ATXN2: variants seen among roughly 807,000 people sequenced by gnomAD.
ATXN2 encodes the protein ataxin-2.
A neutral mutation model predicts 138.6 loss-of-function variants in ATXN2; 37 were observed. That is an observed-to-expected ratio of 0.27 (90% CI 0.21 to 0.35). The LOEUF is 0.35. Ranked by LOEUF, ATXN2 falls within the 10% of genes least tolerant of loss-of-function variation. ATXN2 has a pLI of 1.00. For synonymous variants in ATXN2, 549 were observed against 543.7 expected (o/e 1.01, Z -0.13); for missense variants, 1,216 against 1,480.3 (o/e 0.82, Z 2.93).
chr12:111,598,769 G>A lies in ATXN2; in HGVS notation c.251+15C>T, dbSNP rs547889535. 2 of 1,289,718 alleles carry A rather than the reference G, an allele frequency of 1.6e-6. No homozygotes were observed. Among genetic ancestry groups the A allele is most frequent in the South Asian group, 2.1e-5 (1 of 47,914 alleles). The allele number at this position is 1,289,718 out of a possible 1,614,324, so 79.9% of individuals were successfully genotyped here. ...CCGGGCCCGGAGCGGAGGGGGCTGG[G>A]GTGCCGACACCCACCTGCCCAGGCC... On this transcript the variant is annotated intron_variant, in intron 1 of 24. Transcript: ENST00000673436. The surrounding 1 kb of genome is among the most constrained non-coding windows in gnomAD (Gnocchi z 4.5).
intron 10 of ATXN2, among the ~76,000 whole-genome samples, chr12:111,515,337 A>G (rs1215612142): frequency 6.6e-6 from 1 of 152,256 alleles, no homozygotes; most frequent in Non-Finnish European, 1.5e-5. Flanking sequence ...TATCAAAAGG[A>G]CATTATGATT....
chr12:111,481,661 A>T (rs74882580), intron 18 of ATXN2, among the ~76,000 whole-genome samples: 15,538 of 151,876 alleles, frequency 0.1, 2,649 homozygotes, highest in African/African-American at 0.35. Flanking sequence ...ATGAAAAAAA[A>T]TTTTATTTTT....
chr12:111,598,284 G>C lies in ATXN2; in HGVS notation c.251+500C>G, dbSNP rs1351523868. 5 of 1,004,708 alleles carry C rather than the reference G, an allele frequency of 5.0e-6. No individual in the cohort carries two copies. The highest frequency in any genetic ancestry group is 1.0e-4 in the East Asian group (1 of 9,822). 62.2% of individuals were successfully genotyped at this position (1,004,708 alleles called of 1,614,324 possible). A position where few individuals can be genotyped will look rare whatever the true frequency, so the allele number is the denominator to read the frequency against. On this transcript the variant is annotated intron_variant, in intron 1 of 24. Transcript: ENST00000673436. This position sits in a 1 kb window ranked among gnomAD's most constrained non-coding sequence, Gnocchi z 4.5. ...GAGCCCGGTGCCTACCCCTTTAACC[G>C]GCACGGGGGACGCGGCCCTAACTTC...
intron 8 of ATXN2, among the ~76,000 whole-genome samples, chr12:111,519,282 C>T (rs1323536206): frequency 1.3e-5 from 2 of 152,144 alleles, no homozygotes; most frequent in African/African-American, 4.8e-5. Flanking sequence ...CCTTTAATGA[C>T]CTCAGTTCCT....
chr12:111,525,378 G>A (rs767657279), intron 5 of ATXN2, 62 bp from the exon 6 acceptor site: 17 of 1,411,404 alleles, frequency 1.2e-5, no homozygotes, highest in African/African-American at 1.2e-4. Context: ...ACTCACACAC[G>A]TGAATTACCA....
intron 18 of ATXN2, chr12:111,472,034 G>A (rs778357234): frequency 6.6e-6 from 1 of 152,112 alleles, no homozygotes; most frequent in Non-Finnish European, 1.5e-5. Context: ...GGAGGCCAGG[G>A]CGAGCGGACT....
chr12:111,470,645 T>C lies in ATXN2; in HGVS notation c.2622A>G (p.Pro874=). 1.2e-6 allele frequency: 2 copies of C among 1,614,134 alleles called. No homozygotes were observed. The highest frequency in any genetic ancestry group is 1.1e-5 in the South Asian group (1 of 91,090). The change falls in exon 19 of 25, where the codon CCA becomes CCG. Residue 874 remains proline, a synonymous_variant. Coordinates refer to ENST00000673436, the MANE Select transcript of ATXN2 (RefSeq NM_001372574.1). The part of the protein sequence containing the change: ...AAGPPIAATP[P]AYSTQYVAYS... ...AGGCAACATATTGCGTGGAGTAAGC[T>C]GGTGGGGTGGCTGCAATCGGTGGGC...
intron 5 of ATXN2, among the ~76,000 whole-genome samples, chr12:111,548,264 G>A (rs764127035): frequency 6.6e-6 from 1 of 152,136 alleles, no homozygotes; most frequent in Non-Finnish European, 1.5e-5. Context: ...CATAATTTAT[G>A]TCACTGCAGT....
intron 1 of ATXN2, among the ~76,000 whole-genome samples, chr12:111,576,940 A>G (rs552722671): frequency 6.6e-6 from 1 of 152,048 alleles, no homozygotes; most frequent in Admixed American, 6.6e-5. Flanking sequence ...CCTGGGCGAC[A>G]GAGCGAGACT....
At chr12:111,572,819 G>A (rs1435500644) in intron 1 of ATXN2, among the ~76,000 whole-genome samples, 2 of 152,172 alleles carry the variant, frequency 1.3e-5, no homozygotes, top group Non-Finnish European at 2.9e-5. Flanking sequence ...GACTGAGACA[G>A]GGAAAGCGTG....
intron 15 of ATXN2, 107 bp downstream of exon 15, chr12:111,488,369 A>T: frequency 8.6e-7 from 1 of 1,156,250 alleles, no homozygotes; most frequent in South Asian, 1.6e-5. Flanking sequence ...TGTATAAAGT[A>T]GTCTAAAAGT....
intron 1 of ATXN2, among the ~76,000 whole-genome samples, chr12:111,560,374 G>A (rs1482596737): frequency 1.3e-5 from 2 of 152,158 alleles, no homozygotes; most frequent in African/African-American, 2.4e-5. Flanking sequence ...GCCATTTTAT[G>A]AGGGACTAGA....
intron 1 of ATXN2, among the ~76,000 whole-genome samples, chr12:111,585,085 T>C (rs974359639): frequency 6.6e-5 from 10 of 152,324 alleles, no homozygotes; most frequent in African/African-American, 2.4e-4. Flanking sequence ...GATTGAAAAA[T>C]ACTTCTTTGG....
chr12:111,485,217 T>G (rs1247452326), intron 18 of ATXN2, 48 bp downstream of exon 18: 1 of 1,531,496 alleles, frequency 6.5e-7, no homozygotes, highest in Non-Finnish European at 9.0e-7. Flanking sequence ...GTTACTCAAT[T>G]CATGCAGCAT....
At chr12:111,578,759 G>A (rs1313537757) in intron 1 of ATXN2, among the ~76,000 whole-genome samples, 1 of 152,092 alleles carries the variant, frequency 6.6e-6, no homozygotes. Flanking sequence ...ACCACAATGA[G>A]GCCAGGCACA....
chr12:111,522,298 G>A (rs546728081), intron 6 of ATXN2, among the ~76,000 whole-genome samples: 8 of 151,622 alleles, frequency 5.3e-5, no homozygotes, highest in African/African-American at 1.9e-4. Context: ...TCCAATCCCA[G>A]CGTGCATAAA....
At chr12:111,472,930 C>G (rs1876517390) in intron 18 of ATXN2, among the ~76,000 whole-genome samples, 1 of 152,144 alleles carries the variant, frequency 6.6e-6, no homozygotes, top group South Asian at 2.1e-4. Flanking sequence ...CAGGAAGACT[C>G]AACATCATGA....
chr12:111,531,730 C>T (rs1010337010), intron 5 of ATXN2, among the ~76,000 whole-genome samples: 3 of 152,276 alleles, frequency 2.0e-5, no homozygotes, highest in Non-Finnish European at 4.4e-5. Flanking sequence ...CAGGTGGAGC[C>T]ACGCTCCTCA....
chr12:111,591,662 G>A (rs1413925487), intron 1 of ATXN2, among the ~76,000 whole-genome samples: 1 of 151,958 alleles, frequency 6.6e-6, no homozygotes, highest in African/African-American at 2.4e-5. Flanking sequence ...TAAAGGGAGA[G>A]GTGTAATAAA....
Sources: gnomAD v4.1 joint callset for allele counts (sites outside exome capture counted in the v4.1 genomes callset) on GRCh38, gnomAD v4.1.1 for gene constraint, Gnocchi (gnomAD v3.1) non-coding constraint, MANE v1.5 for transcripts, NCBI Gene and HGNC (gene_info 2026-07-23, HGNC 2026-07-21) for gene names.